CDK12: variants seen among roughly 807,000 people sequenced by gnomAD.
CDK12 encodes the protein cyclin dependent kinase 12.
A neutral mutation model predicts 133.8 loss-of-function variants in CDK12; 17 were observed. The ratio of observed to expected loss-of-function variants is 0.13; its 90% CI spans 0.09 to 0.19. The LOEUF is 0.19. Ranked by LOEUF, CDK12 falls within the 10% of genes least tolerant of loss-of-function variation. The pLI is 1.00. For missense variants in CDK12, 1,508 were observed against 1,818.7 expected, an observed-to-expected ratio of 0.83 and a Z score of 3.11; for synonymous variants, 694 against 683.6, an observed-to-expected ratio of 1.02 and a Z score of -0.24.
rs143875220 is a variant in CDK12, at chr17:39,553,158, T to C, written n.356+2016T>C. ...AAAAGAGACTAGGTGGGGTACTCAA[T>C]GTTAGCCTACGGCTCAACTCTTACT... On this transcript the variant is annotated intron_variant and non_coding_transcript_variant, in intron 2 of 3. Transcript: ENST00000558240. Among the ~76,000 whole-genome samples, 114 of 152,256 alleles carry C rather than the reference T, an allele frequency of 7.5e-4. 1 individual carries two copies. In the East Asian group the frequency reaches 0.019, roughly 25 times the overall value.
rs373240630 is a variant in CDK12, at chr17:39,531,258, A to G, written c.4415A>G (p.Tyr1472Cys). The G allele has an allele frequency of 3.8e-5, 57 of 1,510,304 alleles. No homozygotes were observed. The African/African-American group carries it at 6.0e-4, about 16-fold the overall frequency. 93.6% of individuals were successfully genotyped at this position (1,510,304 alleles called of 1,614,324 possible). Residue 1472 changes from tyrosine (Y) to cysteine (C), a missense_variant, in exon 14 of 14, where the codon TAT becomes TGT. By Grantham distance (194) the Tyr-to-Cys change is radical (BLOSUM62 -2). Coordinates refer to ENST00000447079, the MANE Select transcript of CDK12 (RefSeq NM_016507.4). The part of the protein sequence containing the change: ...PTQSSAYGKL[Y>C]RGPTRVPPRG... ...CAGTCTTCTGCTTATGGAAAACTCTATCGGGGGCCTACAAGAGTCCCACCA... is the reference window on the plus strand; with the variant it reads ...CAGTCTTCTGCTTATGGAAAACTCTGTCGGGGGCCTACAAGAGTCCCACCA...
intron 2 of CDK12, among the ~76,000 whole-genome samples, chr17:39,478,123 C>T (rs1245106060): frequency 1.3e-5 from 2 of 149,934 alleles, no homozygotes; most frequent in African/African-American, 2.5e-5. Context: ...TCCCAAACTC[C>T]TCAACTCATG....
At chr17:39,485,493 TCTC>T in intron 2 of CDK12, among the ~76,000 whole-genome samples, 1 of 140,098 alleles carries the variant, frequency 7.1e-6, no homozygotes. Context: ...AGCTCACTAA[TCTC>T]CACCTCCCGG....
intron 13 of CDK12, 135 bp downstream of exon 13, chr17:39,526,451 T>C (rs1223144566): frequency 3.0e-6 from 2 of 663,070 alleles, no homozygotes; most frequent in Non-Finnish European, 5.1e-6. Flanking sequence ...CAGGAGAACA[T>C]AGCACCAAGT....
rs2054999674 is a variant in CDK12, at chr17:39,533,727, C to T, written c.*2411C>T. 8.6e-6 allele frequency: 2 copies of T among 232,698 alleles called. No homozygotes were observed. The highest frequency in any genetic ancestry group is 6.0e-5 in the East Asian group (1 of 16,646). 14.4% of individuals were successfully genotyped at this position (232,698 alleles called of 1,614,324 possible). A position where few individuals can be genotyped will look rare whatever the true frequency, so the allele number is the denominator to read the frequency against. On this transcript the variant is annotated 3_prime_UTR_variant, in exon 14 of 14. Coordinates refer to ENST00000447079, the MANE Select transcript of CDK12 (RefSeq NM_016507.4). ...TATGTATGATCCCATCTCACCCCCA[C>T]CCCCATTTTGGGAGTCTTTTAAAAT...
intron 1 of CDK12, among the ~76,000 whole-genome samples, chr17:39,468,683 C>T (rs1004750189): frequency 4.6e-5 from 7 of 151,902 alleles, no homozygotes; most frequent in African/African-American, 7.2e-5. Flanking sequence ...CCATATTGGT[C>T]AGGCTGGTCT....
Position 39,462,934 on chromosome 17 carries a change from G to A in CDK12, c.863G>A (p.Ser288Asn), listed in dbSNP as rs763908534. The change falls in exon 1 of 14, where the codon AGC (serine) becomes AAC (asparagine). Residue 288 changes from serine (S) to asparagine (N), a missense_variant. Around this residue, in one of 9 missense-constraint regions of CDK12, gnomAD observed 460 missense variants for 490.8 expected, o/e 0.94. Transcript: ENST00000447079. Reference protein sequence around the residue: ...PYKEPSAYQSSTRSPSPYSRR... With the variant: ...PYKEPSAYQSNTRSPSPYSRR... The stretch of plus-strand genomic sequence containing the variant: ...AAGGAGCCTTCGGCCTACCAGTCCA[G>A]CACCCGGTCACCGAGCCCCTACAGT... 4.3e-6 allele frequency: 7 copies of A among 1,614,202 alleles called. No homozygotes were observed. Among genetic ancestry groups the A allele is most frequent in the Non-Finnish European group, 5.9e-6 (7 of 1,180,024 alleles).
rs796782451 is a variant in CDK12, at chr17:39,510,706, C to T, written c.2667-823C>T. The stretch of plus-strand genomic sequence containing the variant: ...TTGGCTCACTGAAACCTCTGCCTCC[C>T]GGGTTCAAGCGATTCCCCTGCCTCA... On this transcript the variant is annotated intron_variant, in intron 7 of 13. Transcript: ENST00000447079. Among the ~76,000 whole-genome samples, 12 of 150,830 alleles carry T rather than the reference C, an allele frequency of 8.0e-5. No individual in the cohort carries two copies. The South Asian group carries it at 8.4e-4, about 11-fold the overall frequency.
chr17:39,506,880 TTTTG>T (rs923161246), intron 6 of CDK12, among the ~76,000 whole-genome samples: 5 of 152,134 alleles, frequency 3.3e-5, no homozygotes, highest in East Asian at 1.9e-4. Flanking sequence ...TTGTATTTTA[TTTTG>T]TTTATTTACT....
upstream of CDK12, among the ~76,000 whole-genome samples, chr17:39,545,245 G>A (rs922663439): frequency 2.0e-5 from 3 of 152,146 alleles, no homozygotes; most frequent in African/African-American, 7.2e-5. Context: ...CTGTTGCCCA[G>A]GCTGTAGTGC....
chr17:39,494,585 A>G lies in CDK12; in HGVS notation c.2310A>G (p.Thr770=). The G allele has an allele frequency of 1.2e-6, 2 of 1,613,972 alleles. No individual in the cohort carries two copies. Among genetic ancestry groups the G allele is most frequent in the South Asian group, 2.2e-5 (2 of 91,062 alleles). The change falls in exon 5 of 14, where the codon ACA becomes ACG. Residue 770 remains threonine, a synonymous_variant. Coordinates refer to ENST00000447079, the MANE Select transcript of CDK12 (RefSeq NM_016507.4). The part of the protein sequence containing the change: ...LDNEKEGFPI[T]AIREIKILRQ... ...ATGAGAAAGAGGGCTTCCCAATCAC[A>G]GCCATTCGTGAAATCAAAATCCTTC...
intron 1 of CDK12, among the ~76,000 whole-genome samples, chr17:39,464,903 G>T (rs1196971308): frequency 6.6e-6 from 1 of 150,394 alleles, no homozygotes; most frequent in Non-Finnish European, 1.5e-5. Flanking sequence ...AGTGAGCTGT[G>T]ATCACACCAC....
chr17:39,486,266 T>TC (rs2051122558), intron 2 of CDK12, among the ~76,000 whole-genome samples: 1 of 148,426 alleles, frequency 6.7e-6, no homozygotes, highest in African/African-American at 2.5e-5. Flanking sequence ...TTTTTTTTTT[T>TC]TTTTTTTTTC....
chr17:39,473,032 C>T (rs1038953077), intron 2 of CDK12, among the ~76,000 whole-genome samples: 1 of 151,560 alleles, frequency 6.6e-6, no homozygotes, highest in Admixed American at 6.6e-5. Context: ...GTCGAAATCG[C>T]GCCGCTGTAC....
chr17:39,562,121 G>A (rs2056395865), intron 3 of CDK12, among the ~76,000 whole-genome samples: 1 of 152,028 alleles, frequency 6.6e-6, no homozygotes, highest in Non-Finnish European at 1.5e-5. Flanking sequence ...TGCATTTTTA[G>A]TAGAGACGGG....
At chr17:39,505,002 G>A (rs531006389) in intron 6 of CDK12, among the ~76,000 whole-genome samples, 16 of 151,550 alleles carry the variant, frequency 1.1e-4, no homozygotes, top group African/African-American at 2.4e-4. Flanking sequence ...AGGCCGAGGC[G>A]GACGGATCAT....
intron 8 of CDK12, among the ~76,000 whole-genome samples, chr17:39,513,327 A>G (rs1323641882): frequency 6.6e-6 from 1 of 152,134 alleles, no homozygotes; most frequent in African/African-American, 2.4e-5. Flanking sequence ...TCCTTCCTCT[A>G]TTAATGTCAG....
chr17:39,483,295 C>T (rs1420809790), intron 2 of CDK12, among the ~76,000 whole-genome samples: 2 of 151,448 alleles, frequency 1.3e-5, no homozygotes, highest in Admixed American at 1.3e-4. Flanking sequence ...GACAAGTTTT[C>T]CCTTTGTCGC....
In CDK12 at chr17:39,531,199, C is replaced by G; in HGVS notation, c.4356C>G (p.Ser1452Arg). Reference protein sequence around the residue: ...ELGPGTTGASSSGAGLHWGGP... With the variant: ...ELGPGTTGASRSGAGLHWGGP... ...GGCCAGGAACCACTGGGGCCAGCAG[C>G]TCAGGAGCAGGCCTTCACTGGGGGG... The change falls in exon 14 of 14, where the codon AGC becomes AGG. Residue 1452 changes from serine (S) to arginine (R), a missense_variant. This residue lies in a region of CDK12 where 114 missense variants were observed against 101.2 expected (regional missense o/e 1.13). Coordinates refer to ENST00000447079, the MANE Select transcript of CDK12 (RefSeq NM_016507.4). 6.6e-7 allele frequency: 1 copy of G among 1,520,132 alleles called. No individual in the cohort carries two copies. The highest frequency in any genetic ancestry group is 8.8e-7 in the Non-Finnish European group (1 of 1,135,988). The allele number at this position is 1,520,132 out of a possible 1,614,324, so 94.2% of individuals were successfully genotyped here. A position where few individuals can be genotyped will look rare whatever the true frequency, so the allele number is the denominator to read the frequency against.
Sources: allele counts gnomAD v4.1 joint callset (sites outside exome capture counted in the v4.1 genomes callset), GRCh38; gene constraint gnomAD v4.1.1; regional missense constraint gnomAD v4.1.1; transcripts MANE v1.5; gene names NCBI Gene and HGNC (gene_info 2026-07-23, HGNC 2026-07-21).